The following STK32B variants were observed in gnomAD, a reference collection of about 807,000 sequenced individuals.
STK32B encodes serine/threonine-protein kinase 32B.
Under a neutral mutation model 52.6 loss-of-function variants are expected in STK32B, and 43 were observed. That is an observed-to-expected ratio of 0.82 (90% CI 0.64 to 1.05). The LOEUF (loss-of-function observed/expected upper bound fraction) is 1.05. Ranked by LOEUF, STK32B falls within the 50% of genes least tolerant of loss-of-function variation. The pLI, the probability that STK32B is intolerant of heterozygous loss-of-function variation, is 0.00. For synonymous variants in STK32B, 238 were observed against 204.3 expected (o/e 1.17, Z -1.41); for missense variants, 621 against 534.6 (o/e 1.16, Z -1.59).
At chr4:5,289,921 G>A (rs983055707) in intron 3 of STK32B, among the ~76,000 whole-genome samples, 6 of 151,904 alleles carry the variant, frequency 3.9e-5, no homozygotes, top group African/African-American at 1.5e-4. Flanking sequence ...GGTAAATTGT[G>A]TGTCATGAGG....
intron 3 of STK32B, among the ~76,000 whole-genome samples, chr4:5,317,970 A>C (rs1731222436): frequency 6.6e-6 from 1 of 152,142 alleles, no homozygotes; most frequent in African/African-American, 2.4e-5. Context: ...CCAAGTCAGA[A>C]ACTCTGAGGT....
chr4:5,163,888 A>G (rs539616593), intron 2 of STK32B, among the ~76,000 whole-genome samples: 5 of 152,290 alleles, frequency 3.3e-5, no homozygotes, highest in African/African-American at 1.2e-4. Flanking sequence ...GTTTGGTTCC[A>G]GGCATCAGTC....
chr4:5,351,194 A>T (rs1246635006), intron 4 of STK32B, among the ~76,000 whole-genome samples: 1 of 152,080 alleles, frequency 6.6e-6, no homozygotes, highest in Non-Finnish European at 1.5e-5. Flanking sequence ...CAGTACATGA[A>T]ACATTCTCCA....
intron 3 of STK32B, among the ~76,000 whole-genome samples, chr4:5,260,790 G>C (rs1726660399): frequency 1.3e-5 from 2 of 152,140 alleles, no homozygotes; most frequent in Non-Finnish European, 1.5e-5. Context: ...CTACTAAGGG[G>C]TGTCTAATTA....
intron 3 of STK32B, among the ~76,000 whole-genome samples, chr4:5,302,235 A>C (rs1191761247): frequency 6.6e-6 from 1 of 151,722 alleles, no homozygotes; most frequent in Non-Finnish European, 1.5e-5. Flanking sequence ...AAAGAATTAT[A>C]TATGCTTTCA....
At chr4:5,374,051 G>A (rs1735424676) in intron 4 of STK32B, among the ~76,000 whole-genome samples, 1 of 152,218 alleles carries the variant, frequency 6.6e-6, no homozygotes, top group African/African-American at 2.4e-5. Flanking sequence ...ATAAGAGACA[G>A]AAGAGGAAAT....
intron 1 of STK32B, among the ~76,000 whole-genome samples, chr4:5,076,590 A>G (rs1309615835): frequency 1.3e-5 from 2 of 152,190 alleles, no homozygotes; most frequent in African/African-American, 4.8e-5. Flanking sequence ...TTCACCGACT[A>G]GTAAATACTG....
At chr4:5,346,726 G>A (rs1733487367) in intron 4 of STK32B, among the ~76,000 whole-genome samples, 1 of 152,164 alleles carries the variant, frequency 6.6e-6, no homozygotes, top group African/African-American at 2.4e-5. Context: ...CCACAGAGCT[G>A]TTGAGGGATT....
chr4:5,497,369 T>C (rs1487660859), intron 11 of STK32B, among the ~76,000 whole-genome samples: 2 of 152,220 alleles, frequency 1.3e-5, no homozygotes, highest in African/African-American at 4.8e-5. Context: ...AGAAGGATGA[T>C]AAGCCACCTC....
At chr4:5,347,848 A>G (rs997432982) in intron 4 of STK32B, among the ~76,000 whole-genome samples, 4 of 152,106 alleles carry the variant, frequency 2.6e-5, no homozygotes, top group Admixed American at 6.6e-5. Context: ...ACCTTCCACC[A>G]TGATTGTAAG....
At chr4:5,127,166 CTTTCCGTTAAACATAAGCAAACAT>C (rs773151973) in intron 1 of STK32B, 2 of 491,504 alleles carry the variant, frequency 4.1e-6, no homozygotes, top group Non-Finnish European at 4.1e-6. Context: ...TTTTACTTAT[CTTTCCGTTAAACATAAGCAAACAT>C]CTTCCATTAG....
intron 1 of STK32B, among the ~76,000 whole-genome samples, chr4:5,084,651 A>G (rs1367633082): frequency 6.6e-6 from 1 of 152,168 alleles, no homozygotes; most frequent in African/African-American, 2.4e-5. Flanking sequence ...TTTGTTTTCA[A>G]ATATTTCTGT....
chr4:5,037,324 T>C, the STK32B span, among the ~76,000 whole-genome samples: 1 of 152,242 alleles, frequency 6.6e-6, no homozygotes, highest in Non-Finnish European at 1.5e-5. Context: ...CATTCATTTT[T>C]ATTAAGCCCC....
chr4:5,224,549 T>A (rs922039606), intron 3 of STK32B, among the ~76,000 whole-genome samples: 4 of 152,350 alleles, frequency 2.6e-5, no homozygotes, highest in South Asian at 2.1e-4. Flanking sequence ...TGGCTTGATA[T>A]CACATATTTG....
intron 3 of STK32B, among the ~76,000 whole-genome samples, chr4:5,215,451 C>G (rs576955383): frequency 6.6e-6 from 1 of 152,088 alleles, no homozygotes; most frequent in Non-Finnish European, 1.5e-5. Flanking sequence ...GGAGGGTAAA[C>G]GCAGAAGGGG....
intron 1 of STK32B, among the ~76,000 whole-genome samples, chr4:5,100,652 TTC>T (rs1400603677): frequency 8.1e-6 from 1 of 123,148 alleles, no homozygotes; most frequent in Non-Finnish European, 1.7e-5. Flanking sequence ...CTTTCTCTCT[TTC>T]TCTTTCATTC....
chr4:5,397,330 C>T (rs1736984216), intron 4 of STK32B, among the ~76,000 whole-genome samples: 5 of 152,182 alleles, frequency 3.3e-5, no homozygotes, highest in Admixed American at 3.3e-4. Flanking sequence ...ACTTTCATTC[C>T]TCCATCCTTA....
chr4:5,304,041 C>T (rs1381406894), intron 3 of STK32B, among the ~76,000 whole-genome samples: 4 of 152,018 alleles, frequency 2.6e-5, no homozygotes, highest in Non-Finnish European at 5.9e-5. Flanking sequence ...GTCTATATGC[C>T]TATTTTTATA....
At chr4:5,349,036 G>C (rs2095130479) in intron 4 of STK32B, among the ~76,000 whole-genome samples, 1 of 151,964 alleles carries the variant, frequency 6.6e-6, no homozygotes, top group Non-Finnish European at 1.5e-5. Context: ...GACTGCTTGG[G>C]TTCCAAAGGG....
Sources: allele counts gnomAD v4.1 joint callset (sites outside exome capture counted in the v4.1 genomes callset), GRCh38; gene constraint gnomAD v4.1.1; transcripts MANE v1.5; gene names NCBI Gene and HGNC (gene_info 2026-07-23, HGNC 2026-07-21).